The following GGA2 variants were observed in gnomAD, a reference collection of about 807,000 sequenced individuals.
The protein encoded by GGA2 is ADP-ribosylation factor-binding protein GGA2.
In GGA2, 48 loss-of-function variants were observed where a neutral mutation model predicts 79.5. The observed-to-expected ratio is 0.60, with a 90% CI of 0.48 to 0.77. The LOEUF is 0.77. GGA2 is among the 30% of genes least tolerant of loss of function. The probability of loss-of-function intolerance (pLI) is 0.00; values close to 1 mark genes in which losing one functional copy is unlikely to be tolerated. For synonymous variants in GGA2, 317 were observed against 302.0 expected, an observed-to-expected ratio of 1.05 and a Z score of -0.51; for missense variants, 770 against 774.0, an observed-to-expected ratio of 0.99 and a Z score of 0.06.
rs747671377 is a variant in GGA2 at position 23,478,874 on chromosome 16, C to G, written c.1158+9G>C. ...TTCTCTCTCCGGGCCCTGGGAAGGG[C>G]ATCCTTACCATGCCTGTAACAGGAG... On this transcript the variant is annotated intron_variant, in intron 12 of 16. Coordinates refer to ENST00000309859, the MANE Select transcript of GGA2 (RefSeq NM_015044.4). 5 of 1,596,978 alleles carry G rather than the reference C, an allele frequency of 3.1e-6. No individual in the cohort carries two copies. The Admixed American group carries it at 5.0e-5, about 16-fold the overall frequency.
chr16:23,465,018 C>T lies in GGA2; in HGVS notation c.*2572G>A, dbSNP rs1964417574. The T allele has an allele frequency of 8.2e-6, 3 of 367,806 alleles. No homozygotes were observed. Among genetic ancestry groups the T allele is most frequent in the African/African-American group, 2.0e-5 (1 of 49,302 alleles). 22.8% of individuals were successfully genotyped at this position (367,806 alleles called of 1,614,324 possible). A position where few individuals can be genotyped will look rare whatever the true frequency, so the allele number is the denominator to read the frequency against. The stretch of plus-strand genomic sequence containing the variant: ...TCACGAAATGGGTCAACAGGACCCC[C>T]GAAGAGTTCAAGATACTGGAAAGCA... On this transcript the variant is annotated 3_prime_UTR_variant, in exon 17 of 17. Coordinates refer to ENST00000309859, the MANE Select transcript of GGA2 (RefSeq NM_015044.4).
At chr16:23,488,358 C>T (rs1362862374) in intron 6 of GGA2, among the ~76,000 whole-genome samples, 1 of 152,148 alleles carries the variant, frequency 6.6e-6, no homozygotes, top group Non-Finnish European at 1.5e-5. Flanking sequence ...ACAAACAGAT[C>T]CTACCAAGAC....
chr16:23,510,767 C>T (rs1596999059), upstream of GGA2, among the ~76,000 whole-genome samples: 1 of 152,324 alleles, frequency 6.6e-6, no homozygotes, highest in East Asian at 1.9e-4. Flanking sequence ...AGTCCAATGG[C>T]GCGATCACGG....
chr16:23,515,999 C>A (rs149937216), intron 2 of GGA2, among the ~76,000 whole-genome samples: 2 of 136,574 alleles, frequency 1.5e-5, no homozygotes, highest in East Asian at 4.2e-4. Context: ...CATAAGCCAT[C>A]ACCTCTGACC....
At chr16:23,487,756 C>G (rs933725310) in intron 6 of GGA2, among the ~76,000 whole-genome samples, 1 of 152,072 alleles carries the variant, frequency 6.6e-6, no homozygotes, top group Admixed American at 6.5e-5. Context: ...GGCCTGGAAC[C>G]TAGACTAGCC....
At chr16:23,485,617 C>CA (rs1369774809) in intron 8 of GGA2, among the ~76,000 whole-genome samples, 1 of 152,214 alleles carries the variant, frequency 6.6e-6, no homozygotes, top group Non-Finnish European at 1.5e-5. Context: ...GGAAACAACG[C>CA]AAGGCCCATC....
chr16:23,477,652 C>A (rs915715429), intron 13 of GGA2, among the ~76,000 whole-genome samples: 2 of 152,116 alleles, frequency 1.3e-5, no homozygotes, highest in African/African-American at 4.8e-5. Flanking sequence ...GAGGCTGAGG[C>A]AAAAGAATCG....
At chr16:23,478,134 G>C (rs1303526797) in intron 13 of GGA2, among the ~76,000 whole-genome samples, 3 of 151,188 alleles carry the variant, frequency 2.0e-5, no homozygotes, top group Non-Finnish European at 4.4e-5. Context: ...AGGAGGTAAA[G>C]GCTGTAGTGA....
chr16:23,488,668 A>G lies in GGA2; in HGVS notation c.517T>C (p.Leu173=). ...TTGGGCCAGGGAGATGGTGGGGGTA[A>G]GATTTTATCCACTGGTAGTTTAGGG... is the stretch of plus-strand genomic sequence containing the variant. ...QDPKLPVDKI[L]PPPSPWPKSS... is the part of the protein sequence containing the mutation. The change falls in exon 6 of 17, where the codon TTA becomes CTA. Residue 173 remains leucine, a synonymous_variant. Transcript: ENST00000309859. 1 of 1,610,510 alleles carries G rather than the reference A, an allele frequency of 6.2e-7. No individual in the cohort carries two copies. The highest frequency in any genetic ancestry group is 8.5e-7 in the Non-Finnish European group (1 of 1,176,818).
rs1041825300 is a variant in GGA2 at position 23,463,542 on chromosome 16, TA to T, written c.*4047del. On this transcript the variant is annotated 3_prime_UTR_variant, in exon 17 of 17. Coordinates refer to ENST00000309859, the MANE Select transcript of GGA2 (RefSeq NM_015044.4). ...ATCTTAAAAAAGACGACACTGAGCA[TA>T]AAAAAATAAGGTTTTATTTTCAGCT... 2 of 152,148 alleles carry T rather than the reference TA, an allele frequency of 1.3e-5. No homozygotes were observed. The highest frequency in any genetic ancestry group is 2.4e-5 in the African/African-American group (1 of 41,448). 9.4% of individuals were successfully genotyped at this position (152,148 alleles called of 1,614,324 possible).
intron 7 of GGA2, 30 bp downstream of exon 7, chr16:23,486,680 T>C (rs1398922220): frequency 1.5e-6 from 2 of 1,307,982 alleles, no homozygotes; most frequent in East Asian, 2.3e-5. Flanking sequence ...CAAATGCTAC[T>C]TCTACTGAAC....
At chr16:23,498,581 A>C (rs564135808) in intron 1 of GGA2, among the ~76,000 whole-genome samples, 3 of 152,224 alleles carry the variant, frequency 2.0e-5, no homozygotes, top group Non-Finnish European at 4.4e-5. Flanking sequence ...GTTTACAAAA[A>C]ATAAAACAAG....
chr16:23,518,072 C>G (rs1965114352), intron 2 of GGA2, among the ~76,000 whole-genome samples: 1 of 151,876 alleles, frequency 6.6e-6, no homozygotes, highest in Admixed American at 6.6e-5. Flanking sequence ...ACCACCATGC[C>G]TGGCTAATTT....
upstream of GGA2, among the ~76,000 whole-genome samples, chr16:23,510,710 ATTTTTAT>A (rs1230311364): frequency 6.6e-6 from 1 of 152,214 alleles, no homozygotes. Context: ...TTCTTTTAGC[ATTTTTAT>A]TTTTTAAGAG....
In GGA2 at chr16:23,467,368, T is replaced by A. The variant is rs910527495; in HGVS notation, c.*222A>T. ...CACACTGCCGATATCCCAAGCCCTG[T>A]GCTACCACCCTCTCCCCGAACACAC... On this transcript the variant is annotated 3_prime_UTR_variant, in exon 17 of 17. Coordinates refer to ENST00000309859, the MANE Select transcript of GGA2 (RefSeq NM_015044.4). 9.1e-6 allele frequency: 4 copies of A among 438,734 alleles called. No individual in the cohort carries two copies. In the African/African-American group the frequency reaches 1.0e-4, roughly 11 times the overall value. The allele number at this position is 438,734 out of a possible 1,614,324, so 27.2% of individuals were successfully genotyped here.
At position 23,482,968 on chromosome 16, in the gene GGA2, G is replaced by A. The variant is rs1481292877; in HGVS notation, c.835C>T (p.Leu279=). 1.9e-6 allele frequency: 3 copies of A among 1,612,918 alleles called. No individual in the cohort carries two copies. The highest frequency in any genetic ancestry group is 2.2e-5 in the South Asian group (2 of 91,052). Residue 279 remains leucine, a synonymous_variant, in exon 9 of 17, where the codon CTG becomes TTG. Transcript: ENST00000309859. ...YERCEKLRPT[L]FRLASDTTDD... ...GTGGTGTCACTCGCCAACCGGAACA[G>A]CGTGGGCCGCAGCTTTTCACACCTC... is the stretch of plus-strand genomic sequence containing the variant.
chr16:23,471,882 C>A (rs1246934766), intron 14 of GGA2, among the ~76,000 whole-genome samples: 1 of 151,930 alleles, frequency 6.6e-6, no homozygotes, highest in Non-Finnish European at 1.5e-5. Flanking sequence ...GCACTCCTGC[C>A]TAGGCGATGG....
At chr16:23,484,205 C>T (rs1389595378) in intron 8 of GGA2, among the ~76,000 whole-genome samples, 2 of 150,124 alleles carry the variant, frequency 1.3e-5, no homozygotes, top group African/African-American at 2.5e-5. Context: ...GTCAGGAGTT[C>T]GAGACCAGCC....
At chr16:23,484,443 C>T (rs1596984360) in intron 8 of GGA2, among the ~76,000 whole-genome samples, 2 of 151,922 alleles carry the variant, frequency 1.3e-5, no homozygotes, top group Non-Finnish European at 2.9e-5. Flanking sequence ...ACAAAACTCC[C>T]GCTTCAAAAG....
Sources: gnomAD v4.1 joint callset for allele counts (sites outside exome capture counted in the v4.1 genomes callset) on GRCh38, gnomAD v4.1.1 for gene constraint, MANE v1.5 for transcripts, NCBI Gene and HGNC (gene_info 2026-07-23, HGNC 2026-07-21) for gene names.